Variants in ITPRID1 observed in about 807,000 individuals in gnomAD.
The protein encoded by ITPRID1 is protein ITPRID1.
In ITPRID1, 96 loss-of-function variants were observed where a neutral mutation model predicts 95.4. The observed-to-expected ratio is 1.01, with a 90% CI of 0.85 to 1.19. The LOEUF is 1.19. Ranked by LOEUF, ITPRID1 falls within the 50% of genes most tolerant of loss-of-function variation. The probability of loss-of-function intolerance (pLI) is 0.00; values close to 1 mark genes in which losing one functional copy is unlikely to be tolerated. For missense variants in ITPRID1, 1,339 were observed against 1,252.9 expected, an observed-to-expected ratio of 1.07 and a Z score of -1.04; for synonymous variants, 510 against 453.6, an observed-to-expected ratio of 1.12 and a Z score of -1.58.
At chr7:31,636,040 G>A (rs1410812977) in intron 10 of ITPRID1, among the ~76,000 whole-genome samples, 2 of 152,112 alleles carry the variant, frequency 1.3e-5, no homozygotes, top group Non-Finnish European at 2.9e-5. Context: ...TTTTTCACAG[G>A]GCAGCAGGAG....
At chr7:31,627,229 G>C (rs549633515) in intron 10 of ITPRID1, among the ~76,000 whole-genome samples, 1 of 152,138 alleles carries the variant, frequency 6.6e-6, no homozygotes, top group African/African-American at 2.4e-5. Context: ...GTAAATGATT[G>C]TTACATGAAT....
chr7:31,653,087 T>A lies in ITPRID1; in HGVS notation c.*258T>A. On this transcript the variant is annotated 3_prime_UTR_variant, in exon 15 of 15. Transcript: ENST00000615280. ...AAATAGTATACGGTCTCTGCCCTGC[T>A]AGAACTTACAGTGTAGTGGGGGAGA... 1 of 809,886 alleles carries A rather than the reference T, an allele frequency of 1.2e-6. No individual in the cohort carries two copies. The highest frequency in any genetic ancestry group is 1.7e-6 in the Non-Finnish European group (1 of 579,286). The allele number at this position is 809,886 out of a possible 1,614,324, so 50.2% of individuals were successfully genotyped here.
At chr7:31,564,465 A>C (rs551029135) in intron 5 of ITPRID1, among the ~76,000 whole-genome samples, 54 of 152,256 alleles carry the variant, frequency 3.5e-4, no homozygotes, top group Non-Finnish European at 5.9e-4. Context: ...GGTTTAAAAA[A>C]ACCTAACCAG....
intron 10 of ITPRID1, among the ~76,000 whole-genome samples, chr7:31,638,502 C>T (rs78735082): frequency 0.021 from 3,260 of 152,140 alleles, 119 homozygotes; most frequent in African/African-American, 0.074. Flanking sequence ...AAATCCCACA[C>T]GACATTGTTA....
At chr7:31,517,107 G>T (rs930339250) in intron 1 of ITPRID1, among the ~76,000 whole-genome samples, 1 of 152,188 alleles carries the variant, frequency 6.6e-6, no homozygotes, top group Non-Finnish European at 1.5e-5. Context: ...CATTCCCAGA[G>T]AACAAAGCAA....
rs567671974 is a variant in ITPRID1, at chr7:31,652,044, T to G, written c.2817T>G (p.Ile939Met). ...GGGCTCAGCAAATCAGAGAAGGGAT[T>G]TTACTGGTATGGGTGATGGGGTGTG... ...GDRAQQIREG[I>M]LLQLEVLTAE... The change falls in exon 14 of 15, where the codon ATT (isoleucine) becomes ATG (methionine). Residue 939 changes from isoleucine to methionine, a missense_variant. By Grantham distance (10) the Ile-to-Met change is conservative. Transcript: ENST00000615280. 3 of 1,593,184 alleles carry G rather than the reference T, an allele frequency of 1.9e-6. No individual in the cohort carries two copies. Among genetic ancestry groups the G allele is most frequent in the Non-Finnish European group, 2.6e-6 (3 of 1,168,822 alleles).
chr7:31,638,260 A>G (rs566156008), intron 10 of ITPRID1, among the ~76,000 whole-genome samples: 7 of 152,368 alleles, frequency 4.6e-5, no homozygotes, highest in African/African-American at 9.6e-5. Context: ...AATTATAACA[A>G]AGGCAGTGAA....
intron 10 of ITPRID1, among the ~76,000 whole-genome samples, chr7:31,606,566 C>T (rs1312757313): frequency 6.6e-6 from 1 of 152,096 alleles, no homozygotes; most frequent in Non-Finnish European, 1.5e-5. Context: ...ATATGTAGTC[C>T]AGTACCATAG....
At chr7:31,576,645 CT>C (rs551089500) in intron 8 of ITPRID1, among the ~76,000 whole-genome samples, 151 of 152,108 alleles carry the variant, frequency 9.9e-4, no homozygotes, top group Non-Finnish European at 2.0e-3. Flanking sequence ...AAATCTGTCA[CT>C]TTTTTTGGAG....
intron 1 of ITPRID1, among the ~76,000 whole-genome samples, chr7:31,520,515 TTGTGTGTG>T (rs57709822): frequency 0.13 from 18,190 of 135,110 alleles, 1,401 homozygotes; most frequent in East Asian, 0.21. Context: ...TACCACATCA[TTGTGTGTG>T]TGTGTGTGTG....
intron 10 of ITPRID1, among the ~76,000 whole-genome samples, chr7:31,616,425 G>A (rs1583583574): frequency 1.4e-4 from 1 of 6,962 alleles, no homozygotes; most frequent in South Asian, 4.6e-3. Context: ...GTCTTAGGTT[G>A]GATTCCCAGA....
At chr7:31,520,560 T>A (rs1226011834) in intron 1 of ITPRID1, among the ~76,000 whole-genome samples, 3 of 78,760 alleles carry the variant, frequency 3.8e-5, no homozygotes, top group South Asian at 4.8e-4. Context: ...TGTGTGTGTG[T>A]GTGTGAGAGA....
In ITPRID1 at chr7:31,552,361, T is replaced by C. The variant is rs1271546487; in HGVS notation, c.-23-641T>C. 2.9e-5 allele frequency among the ~76,000 whole-genome samples: 3 copies of C among 102,516 alleles called. 1 individual carries two copies. The highest frequency in any genetic ancestry group is 7.4e-5 in the Non-Finnish European group (3 of 40,688). 67.3% of individuals were successfully genotyped at this position (102,516 alleles called of 152,430 possible). On this transcript the variant is annotated intron_variant, in intron 2 of 14. Coordinates refer to ENST00000615280, the MANE Select transcript of ITPRID1 (RefSeq NM_001257967.3). ...AATCTCTCTGGTCTTCAATTTACCA[T>C]AAAATTGTGACAATTATATTACTTC...
chr7:31,556,042 C>G (rs989317860), intron 5 of ITPRID1, among the ~76,000 whole-genome samples: 1 of 152,102 alleles, frequency 6.6e-6, no homozygotes, highest in Non-Finnish European at 1.5e-5. Flanking sequence ...TCATATCCCC[C>G]TAATGTTTTC....
At chr7:31,562,887 T>C (rs1408720358) in intron 5 of ITPRID1, among the ~76,000 whole-genome samples, 1 of 152,194 alleles carries the variant, frequency 6.6e-6, no homozygotes, top group East Asian at 1.9e-4. Flanking sequence ...AAGACCTTCC[T>C]GACTTCTGCA....
chr7:31,642,293 C>G, intron 11 of ITPRID1, 35 bp downstream of exon 11: 1 of 1,375,462 alleles, frequency 7.3e-7, no homozygotes, highest in Non-Finnish European at 1.0e-6. Context: ...TGTTGCTCAT[C>G]CCTAACATCC....
At chr7:31,642,650 C>T (rs1223241141) in intron 11 of ITPRID1, 32 bp from the exon 12 acceptor site, 2 of 1,593,146 alleles carry the variant, frequency 1.3e-6, no homozygotes, top group African/African-American at 2.7e-5. Context: ...CACTTCCTGA[C>T]CTGTTTCCCT....
chr7:31,541,212 A>C (rs183866879), intron 1 of ITPRID1, among the ~76,000 whole-genome samples: 1 of 152,318 alleles, frequency 6.6e-6, no homozygotes, highest in African/African-American at 2.4e-5. Flanking sequence ...GTAATATTTT[A>C]AGCAAAATGT....
intron 1 of ITPRID1, among the ~76,000 whole-genome samples, chr7:31,547,646 T>A (rs1044553809): frequency 6.7e-5 from 10 of 149,328 alleles, no homozygotes; most frequent in Non-Finnish European, 1.2e-4. Context: ...TAGCAGCTCC[T>A]TCTTTTTTTT....
Sources: allele counts gnomAD v4.1 joint callset (sites outside exome capture counted in the v4.1 genomes callset), GRCh38; gene constraint gnomAD v4.1.1; transcripts MANE v1.5; gene names NCBI Gene and HGNC (gene_info 2026-07-23, HGNC 2026-07-21).